Variants in NCOR2 observed in about 807,000 individuals in gnomAD.
NCOR2 encodes nuclear receptor corepressor 2, also known as CTG repeat protein 26.
Under a neutral mutation model 262.9 loss-of-function variants are expected in NCOR2, and 81 were observed. The ratio of observed to expected loss-of-function variants is 0.31; its 90% CI spans 0.26 to 0.37. NCOR2 has a LOEUF of 0.37. Among genes scored for constraint, NCOR2 ranks in the 10% least tolerant of loss-of-function variants. NCOR2 has a pLI of 1.00. For missense variants in NCOR2, 3,385 were observed against 3,621.4 expected, an observed-to-expected ratio of 0.93 and a Z score of 1.68; for synonymous variants, 1,659 against 1,559.3, an observed-to-expected ratio of 1.06 and a Z score of -1.51.
At chr12:124,466,488 A>G (rs1461709301) in intron 4 of NCOR2, among the ~76,000 whole-genome samples, 2 of 152,144 alleles carry the variant, frequency 1.3e-5, no homozygotes, top group Non-Finnish European at 2.9e-5. Flanking sequence ...TGCAGCCTCC[A>G]AGCTCCAAAG....
rs543952439 is a variant in NCOR2, at chr12:124,503,630, G to A, written c.-117-8262C>T. ...CGGACGGACGGATGGATGGATGGATGGATGGGCGAATGGATGGATGGATGG... is the reference window on the plus strand; with the variant it reads ...CGGACGGACGGATGGATGGATGGATAGATGGGCGAATGGATGGATGGATGG... On this transcript the variant is annotated intron_variant, in intron 1 of 46. Transcript: ENST00000404621. This position sits in a 1 kb window ranked among gnomAD's most constrained non-coding sequence, Gnocchi z 4.3. Among the ~76,000 whole-genome samples, 43 of 150,618 alleles carry A rather than the reference G, an allele frequency of 2.9e-4. No homozygotes were observed. The East Asian group carries it at 8.0e-3, about 28-fold the overall frequency.
rs778039809 is a variant in NCOR2, at chr12:124,335,645, G to C, written c.6116-13C>G. On this transcript the variant is annotated splice_polypyrimidine_tract_variant and intron_variant, in intron 38 of 46. Coordinates refer to ENST00000405201, the Ensembl canonical transcript of NCOR2. ...CTGCCGTGGTAACCTAGGGCAGGCG[G>C]GGGGTGCAGAGTCAGGCACCGGGCC... 3 of 1,590,902 alleles carry C rather than the reference G, an allele frequency of 1.9e-6. No homozygotes were observed. In the East Asian group the frequency reaches 6.7e-5, roughly 36 times the overall value.
At chr12:124,357,587 C>G (rs533149672) in intron 22 of NCOR2, among the ~76,000 whole-genome samples, 3 of 152,374 alleles carry the variant, frequency 2.0e-5, no homozygotes, top group African/African-American at 7.2e-5. Flanking sequence ...TGAGCCCCCA[C>G]GCCTGGCCCC....
At chr12:124,333,168 G>A (rs767413566) in exon 42 of NCOR2, 1 of 1,612,738 alleles carries the variant, frequency 6.2e-7, no homozygotes, top group Non-Finnish European at 8.5e-7. Context: ...ACAGCAGCGG[G>A]TACACAGCAC....
At chr12:124,382,103 G>C (rs923911345) in intron 17 of NCOR2, among the ~76,000 whole-genome samples, 3 of 152,220 alleles carry the variant, frequency 2.0e-5, no homozygotes, top group African/African-American at 7.2e-5. Context: ...CCAGCAGCCA[G>C]AGGTGGCTGA....
chr12:124,336,598 T>C (rs978392363), intron 38 of NCOR2, 155 bp downstream of exon 40: 54 of 984,088 alleles, frequency 5.5e-5, no homozygotes, highest in Admixed American at 6.1e-5. Context: ...GAAAATATCT[T>C]TGGACCACGA....
In NCOR2 at chr12:124,346,535, GGGCCCGTGTGCCT is replaced by G. The variant is rs769968625; in HGVS notation, c.4359+16_4359+28del. On this transcript the variant is annotated intron_variant, in intron 31 of 46. Transcript: ENST00000405201. ...AGCCACCGCCACCCCTCCTAGAACT[GGGCCCGTGTGCCT>G]GGCCCTGGGCCATACCTGCGTGATG... The G allele has an allele frequency of 1.9e-4, 283 of 1,490,654 alleles. No homozygotes were observed. The highest frequency in any genetic ancestry group is 2.3e-4 in the Non-Finnish European group (255 of 1,125,830). The allele number at this position is 1,490,654 out of a possible 1,614,324, so 92.3% of individuals were successfully genotyped here.
chr12:124,510,573 G>A (rs1457962538), intron 1 of NCOR2, among the ~76,000 whole-genome samples: 1 of 152,226 alleles, frequency 6.6e-6, no homozygotes, highest in East Asian at 1.9e-4. Context: ...CAGCCTGGAT[G>A]CAAACCCAGG....
intron 31 of NCOR2, among the ~76,000 whole-genome samples, chr12:124,345,222 C>T (rs1004868409): frequency 3.9e-5 from 6 of 152,094 alleles, no homozygotes; most frequent in African/African-American, 1.4e-4. Context: ...CTCTCCCTGC[C>T]GCGAGTGGTG....
chr12:124,330,473 C>T (rs575400020), intron 44 of NCOR2, among the ~76,000 whole-genome samples: 2 of 152,352 alleles, frequency 1.3e-5, no homozygotes, highest in South Asian at 2.1e-4. Context: ...AACAAACGCC[C>T]GAGTGAACTC....
intron 3 of NCOR2, among the ~76,000 whole-genome samples, chr12:124,480,048 T>TGCCTCCTGCGTGCCA (rs1467670719): frequency 1.3e-5 from 2 of 152,232 alleles, no homozygotes; most frequent in African/African-American, 4.8e-5. Flanking sequence ...ACTGCGTGAA[T>TGCCTCCTGCGTGCCA]GCCTCCTGCG....
chr12:124,378,397 G>A lies in NCOR2; in HGVS notation c.2020-13C>T, dbSNP rs1274644690. The A allele has an allele frequency of 1.2e-6, 2 of 1,606,752 alleles. No homozygotes were observed. Among genetic ancestry groups the A allele is most frequent in the South Asian group, 1.1e-5 (1 of 90,252 alleles). ...TCCTCTCCTTCTCCTGGGGCACAGGGAAGCAGCAGATCAGGACTGGGGCCT... is the reference window on the plus strand; with the variant it reads ...TCCTCTCCTTCTCCTGGGGCACAGGAAAGCAGCAGATCAGGACTGGGGCCT... On this transcript the variant is annotated splice_polypyrimidine_tract_variant and intron_variant, in intron 17 of 46. Transcript: ENST00000405201. The surrounding 1 kb of genome is among the most constrained non-coding windows in gnomAD (Gnocchi z 4.2).
At chr12:124,401,862 C>A (rs569479846) in intron 14 of NCOR2, among the ~76,000 whole-genome samples, 1 of 152,336 alleles carries the variant, frequency 6.6e-6, no homozygotes, top group South Asian at 2.1e-4. Context: ...GTGCCGCCCC[C>A]CTTTCTCCAG....
In NCOR2 at chr12:124,414,809, C is replaced by T. The variant is rs142033776; in HGVS notation, c.1482+5148G>A. Among the ~76,000 whole-genome samples the T allele has an allele frequency of 7.0e-3, 1,067 of 152,186 alleles. 6 individuals are homozygous for T. The highest frequency in any genetic ancestry group is 0.023 in the African/African-American group (971 of 41,508). On this transcript the variant is annotated intron_variant, in intron 13 of 46. Transcript: ENST00000405201. ...GTGCCTGGGGAGGGGGCCCATGTCA[C>T]GGTAGGGGGAAGGGGCTGTGTCTGC...
exon 4 of NCOR2, chr12:124,473,128 G>A (rs760699130): frequency 1.6e-5 from 26 of 1,613,634 alleles, no homozygotes; most frequent in Middle Eastern, 1.7e-4. Flanking sequence ...GTCAGGCTAC[G>A]GTCCTGTGGC....
chr12:124,552,600 C>T (rs1300281710), intron 1 of NCOR2, among the ~76,000 whole-genome samples: 1 of 152,230 alleles, frequency 6.6e-6, no homozygotes, highest in Non-Finnish European at 1.5e-5. Flanking sequence ...AGGGAAATCA[C>T]AGGCTCTGTG....
intron 3 of NCOR2, among the ~76,000 whole-genome samples, chr12:124,473,842 C>A (rs1301818538): frequency 6.6e-6 from 1 of 152,096 alleles, no homozygotes; most frequent in Admixed American, 6.5e-5. Flanking sequence ...CCCAATACAC[C>A]CCGGGTTTCC....
intron 3 of NCOR2, among the ~76,000 whole-genome samples, chr12:124,480,196 C>G (rs567177661): frequency 2.1e-4 from 32 of 152,338 alleles, no homozygotes; most frequent in Middle Eastern, 3.4e-3. Flanking sequence ...CAGTCCCCAC[C>G]GCCCACCCCT....
intron 20 of NCOR2, among the ~76,000 whole-genome samples, chr12:124,365,123 C>A (rs562252216): frequency 6.6e-6 from 1 of 152,284 alleles, no homozygotes; most frequent in South Asian, 2.1e-4. Context: ...TTGGAGGCGA[C>A]GCAGAACCCA....
Sources: allele counts gnomAD v4.1 joint callset (sites outside exome capture counted in the v4.1 genomes callset), GRCh38; gene constraint gnomAD v4.1.1; non-coding constraint Gnocchi (gnomAD v3.1); transcripts MANE v1.5; gene names NCBI Gene and HGNC (gene_info 2026-07-23, HGNC 2026-07-21).